Variants in NRG1 observed in about 807,000 individuals in gnomAD.
NRG1 encodes the protein pro-neuregulin-1, membrane-bound isoform.
NRG1 carries 18 observed loss-of-function variants against 63.8 expected under a neutral mutation model. The observed-to-expected ratio is 0.28, with a 90% CI of 0.19 to 0.42. The LOEUF (loss-of-function observed/expected upper bound fraction) is 0.42. Among genes scored for constraint, NRG1 ranks in the 10% least tolerant of loss-of-function variants. NRG1 has a pLI of 1.00. For missense variants in NRG1, 762 were observed against 814.7 expected (o/e 0.94, Z 0.79); for synonymous variants, 302 against 301.3 (o/e 1.00, Z -0.02).
intron 1 of NRG1, among the ~76,000 whole-genome samples, chr8:32,265,162 C>T (rs182683234): frequency 6.6e-6 from 1 of 151,890 alleles, no homozygotes. Context: ...TATGGTGAGA[C>T]CTCTCTACAG....
Position 32,412,423 on chromosome 8 carries a change from C to CAT in NRG1, c.38-183377_38-183376dup, listed in dbSNP as rs1178545836. Among the ~76,000 whole-genome samples, 473 of 92,748 alleles carry CAT rather than the reference C, an allele frequency of 5.1e-3. 3 individuals carry two copies. The highest frequency in any genetic ancestry group is 9.6e-3 in the African/African-American group (232 of 24,222). 60.8% of individuals were successfully genotyped at this position (92,748 alleles called of 152,430 possible). ...TCCTCTCTCTCTCTCTCTCTCTCTA[C>CAT]ATATATATATATATATATATATATA... On this transcript the variant is annotated intron_variant, in intron 1 of 10. Coordinates refer to the NRG1 transcript ENST00000519301.
chr8:31,928,188 G>C (rs1239596062), intron 1 of NRG1, among the ~76,000 whole-genome samples: 3 of 151,516 alleles, frequency 2.0e-5, no homozygotes, highest in African/African-American at 7.3e-5. Flanking sequence ...ATCTGTGAAG[G>C]GGGTCTTTCT....
intron 1 of NRG1, among the ~76,000 whole-genome samples, chr8:32,511,177 T>A (rs1829150283): frequency 6.6e-6 from 1 of 150,906 alleles, no homozygotes; most frequent in Non-Finnish European, 1.5e-5. Flanking sequence ...CTGTTCCAAT[T>A]CATGGAGCAA....
At chr8:31,794,968 A>G (rs1471532917) in intron 1 of NRG1, among the ~76,000 whole-genome samples, 1 of 151,928 alleles carries the variant, frequency 6.6e-6, no homozygotes, top group African/African-American at 2.4e-5. Context: ...ACAGGCAGCT[A>G]ATTTTTGTAT....
Position 32,378,783 on chromosome 8 carries a change from C to A in NRG1, c.38-217045C>A, listed in dbSNP as rs570850253. On this transcript the variant is annotated intron_variant, in intron 1 of 10. Coordinates refer to the NRG1 transcript ENST00000519301. ...ATCCCTCCCCCGTCCCCCAACCCCA[C>A]AACAGGCCCCAGAGTGTGTTGTTCC... Among the ~76,000 whole-genome samples, 7 of 147,546 alleles carry A rather than the reference C, an allele frequency of 4.7e-5. No homozygotes were observed. In the East Asian group the frequency reaches 1.2e-3, roughly 25 times the overall value.
At chr8:32,226,435 C>G (rs1234764371) in intron 1 of NRG1, among the ~76,000 whole-genome samples, 11 of 152,040 alleles carry the variant, frequency 7.2e-5, no homozygotes, top group Admixed American at 7.2e-4. Flanking sequence ...CAATTTGTAC[C>G]TACTTTATTT....
intron 1 of NRG1, chr8:32,026,420 T>A (rs1817391997): frequency 1.3e-5 from 2 of 152,200 alleles, no homozygotes; most frequent in Non-Finnish European, 2.9e-5. Context: ...TGGGTCTTTT[T>A]CTATGAATTA....
At chr8:32,356,474 A>ACCCCCCCCCCCCCCCCCCCGGGCC (rs11426642) in intron 1 of NRG1, among the ~76,000 whole-genome samples, 4 of 69,324 alleles carry the variant, frequency 5.8e-5, no homozygotes, top group Non-Finnish European at 8.6e-5. Context: ...CCTTGTTGGG[A>ACCCCCCCCCCCCCCCCCCCGGGCC]CCCCCCCCCC....
intron 1 of NRG1, among the ~76,000 whole-genome samples, chr8:32,180,833 T>C (rs1425432083): frequency 6.6e-6 from 1 of 152,100 alleles, no homozygotes; most frequent in African/African-American, 2.4e-5. Context: ...AGTTAGCATT[T>C]TGTAAATAGT....
intron 1 of NRG1, among the ~76,000 whole-genome samples, chr8:32,185,737 C>T (rs576574518): frequency 6.6e-6 from 1 of 152,270 alleles, no homozygotes; most frequent in South Asian, 2.1e-4. Context: ...CATGCATTGA[C>T]TTCTTGGCCT....
chr8:32,628,322 A>G (rs1424149511), intron 5 of NRG1, among the ~76,000 whole-genome samples: 1 of 152,220 alleles, frequency 6.6e-6, no homozygotes, highest in African/African-American at 2.4e-5. Flanking sequence ...TATTTGATCC[A>G]GATGCATTTT....
intron 1 of NRG1, among the ~76,000 whole-genome samples, chr8:32,215,631 A>G (rs1427287999): frequency 6.6e-6 from 1 of 152,212 alleles, no homozygotes; most frequent in African/African-American, 2.4e-5. Context: ...TATTGCCTCT[A>G]TACTTAATCA....
chr8:32,522,236 T>C (rs1289625194), intron 1 of NRG1, among the ~76,000 whole-genome samples: 1 of 152,222 alleles, frequency 6.6e-6, no homozygotes, highest in Non-Finnish European at 1.5e-5. Context: ...AACCCCTTCT[T>C]ACTGCCCTTT....
At chr8:32,442,117 T>A (rs986249149) in intron 1 of NRG1, among the ~76,000 whole-genome samples, 10 of 152,208 alleles carry the variant, frequency 6.6e-5, no homozygotes, top group African/African-American at 2.4e-4. Context: ...CAGAATGTGA[T>A]TTCTTTCTCC....
At chr8:32,344,334 C>CTT (rs1804478089) in intron 1 of NRG1, among the ~76,000 whole-genome samples, 1 of 62,936 alleles carries the variant, frequency 1.6e-5, no homozygotes, top group Non-Finnish European at 3.3e-5. Context: ...CTCTTTCTTT[C>CTT]TTTCTTTCTT....
rs543968924 is a variant in NRG1 at position 31,704,272 on chromosome 8, A to G, written c.37+64841A>G. 4.6e-5 allele frequency among the ~76,000 whole-genome samples: 7 copies of G among 152,308 alleles called. No individual in the cohort carries two copies. The South Asian group carries it at 1.2e-3, about 27-fold the overall frequency. ...ACTAGTTTTTTGAATTCTCTCTATTATATTACATGCTTCTGGAATAAATAT... is the reference window on the plus strand; with the variant it reads ...ACTAGTTTTTTGAATTCTCTCTATTGTATTACATGCTTCTGGAATAAATAT... On this transcript the variant is annotated intron_variant, in intron 1 of 10. Coordinates refer to the NRG1 transcript ENST00000519301.
chr8:32,140,361 C>T (rs1243013347), intron 1 of NRG1, among the ~76,000 whole-genome samples: 2 of 151,976 alleles, frequency 1.3e-5, no homozygotes, highest in Non-Finnish European at 1.5e-5. Flanking sequence ...AATATAAATT[C>T]TCCCTTTCAG....
intron 1 of NRG1, among the ~76,000 whole-genome samples, chr8:32,192,314 T>G (rs1842568939): frequency 1.3e-5 from 2 of 152,190 alleles, no homozygotes; most frequent in Non-Finnish European, 2.9e-5. Context: ...ATAGCACTAT[T>G]CACTATAACA....
intron 1 of NRG1, among the ~76,000 whole-genome samples, chr8:31,772,911 T>C (rs559230959): frequency 6.6e-6 from 1 of 152,272 alleles, no homozygotes; most frequent in African/African-American, 2.4e-5. Flanking sequence ...TTAATCTCTA[T>C]AAAATGTAAT....
Sources: allele counts gnomAD v4.1 joint callset (sites outside exome capture counted in the v4.1 genomes callset), GRCh38; gene constraint gnomAD v4.1.1; transcripts MANE v1.5; gene names NCBI Gene and HGNC (gene_info 2026-07-23, HGNC 2026-07-21).